PPP2R3A: variants seen among roughly 807,000 people sequenced by gnomAD.
PPP2R3A encodes the protein protein phosphatase 2 regulatory subunit B''alpha, also known as serine/threonine-protein phosphatase 2A regulatory subunit B'' subunit alpha.
In PPP2R3A, 80 loss-of-function variants were observed where a neutral mutation model predicts 106.9. That is an observed-to-expected ratio of 0.75 (90% CI 0.62 to 0.90). The LOEUF (loss-of-function observed/expected upper bound fraction) is 0.90, where lower values mean the gene tolerates loss of function less well. Among genes scored for constraint, PPP2R3A ranks in the 40% least tolerant of loss-of-function variants. The pLI, the probability that PPP2R3A is intolerant of heterozygous loss-of-function variation, is 0.00. For missense variants in PPP2R3A, 1,386 were observed against 1,350.4 expected, an observed-to-expected ratio of 1.03 and a Z score of -0.41; for synonymous variants, 483 against 468.3, an observed-to-expected ratio of 1.03 and a Z score of -0.41.
At chr3:136,072,882 A>G (rs1168503963) in intron 6 of PPP2R3A, among the ~76,000 whole-genome samples, 55 of 152,092 alleles carry the variant, frequency 3.6e-4, no homozygotes, top group Admixed American at 3.6e-3. Context: ...TAATGAACGC[A>G]TAGTTTGATA....
At chr3:136,087,776 G>A in intron 8 of PPP2R3A, 107 bp from the exon 9 acceptor site, 1 of 694,030 alleles carries the variant, frequency 1.4e-6, no homozygotes, top group Admixed American at 2.6e-5. Flanking sequence ...CATGGACGAT[G>A]GTTACGGTTT....
intron 3 of PPP2R3A, among the ~76,000 whole-genome samples, chr3:136,038,944 T>C (rs78232795): frequency 6.6e-6 from 1 of 152,216 alleles, no homozygotes; most frequent in African/African-American, 2.4e-5. Context: ...ACTTAAAAAA[T>C]CTTAAATTCT....
intron 2 of PPP2R3A, among the ~76,000 whole-genome samples, chr3:136,024,600 TAG>T (rs1285166757): frequency 3.3e-5 from 5 of 152,232 alleles, no homozygotes; most frequent in Middle Eastern, 3.4e-3. Context: ...AGCAAAAGCA[TAG>T]AGTTAACATT....
intron 5 of PPP2R3A, among the ~76,000 whole-genome samples, chr3:136,049,902 G>C (rs1935622132): frequency 6.6e-6 from 1 of 152,218 alleles, no homozygotes; most frequent in Non-Finnish European, 1.5e-5. Context: ...AATTAGAATA[G>C]GAGAAGGGAA....
chr3:136,055,549 C>G, intron 5 of PPP2R3A: 1 of 1,354,352 alleles, frequency 7.4e-7, no homozygotes, highest in Non-Finnish European at 1.1e-6. Flanking sequence ...ACTGACCATG[C>G]TGCTCAAATC....
At chr3:136,078,477 G>A in intron 7 of PPP2R3A, 24 bp downstream of exon 7, 1 of 1,375,044 alleles carries the variant, frequency 7.3e-7, no homozygotes, top group Admixed American at 1.8e-5. Context: ...TAGAATTCAT[G>A]TGTAATGAGC....
intron 5 of PPP2R3A, among the ~76,000 whole-genome samples, chr3:136,057,130 T>TCTCCA (rs1300705735): frequency 6.6e-6 from 1 of 152,018 alleles, no homozygotes; most frequent in Non-Finnish European, 1.5e-5. Flanking sequence ...GGAGAATAGC[T>TCTCCA]GGAGGCATCA....
intron 1 of PPP2R3A, among the ~76,000 whole-genome samples, chr3:135,985,737 A>G (rs1273791772): frequency 6.6e-6 from 1 of 152,224 alleles, no homozygotes; most frequent in African/African-American, 2.4e-5. Flanking sequence ...ACCATGGGAT[A>G]AAGTGACTGA....
rs1177777920 is a variant in PPP2R3A, at chr3:136,003,059, C to T, written c.1561C>T (p.Gln521Ter). Residue 521 changes from glutamine to a stop codon, truncating the protein, a stop_gained, in exon 2 of 14, where the codon CAG becomes TAG. Coordinates refer to ENST00000264977, the MANE Select transcript of PPP2R3A (RefSeq NM_002718.5). LOFTEE classifies it high-confidence loss of function. ...KLLMDLESFS[Q>*]KMETSLREPL... is the part of the protein sequence containing the mutation. ...GTTAATGGATTTGGAATCTTTTTCA[C>T]AGAAGATGGAGACCTCTCTAAGAGA... 1 of 1,611,896 alleles carries T rather than the reference C, an allele frequency of 6.2e-7. No individual in the cohort carries two copies. Among genetic ancestry groups the T allele is most frequent in the Non-Finnish European group, 8.5e-7 (1 of 1,179,454 alleles).
intron 8 of PPP2R3A, 172 bp from the exon 9 acceptor site, chr3:136,087,711 T>C (rs1275850594): frequency 4.0e-6 from 2 of 504,962 alleles, no homozygotes; most frequent in East Asian, 6.2e-5. Flanking sequence ...TTGCCTGTTA[T>C]TTTTTAAAAT....
At chr3:135,976,179 C>A (rs965687194) in intron 1 of PPP2R3A, among the ~76,000 whole-genome samples, 1 of 149,920 alleles carries the variant, frequency 6.7e-6, no homozygotes, top group African/African-American at 2.5e-5. Flanking sequence ...GAACACTTGA[C>A]CTCCTTGGAG....
intron 2 of PPP2R3A, among the ~76,000 whole-genome samples, chr3:136,021,592 AAG>A (rs1439868895): frequency 5.3e-5 from 8 of 152,148 alleles, no homozygotes; most frequent in Non-Finnish European, 1.2e-4. Context: ...GGTTCAGTAA[AAG>A]AGGGTTGTAA....
At chr3:135,991,201 C>T (rs928149133) in intron 1 of PPP2R3A, among the ~76,000 whole-genome samples, 2 of 152,228 alleles carry the variant, frequency 1.3e-5, no homozygotes, top group East Asian at 1.9e-4. Flanking sequence ...CCATAGAGTT[C>T]ATAGTTCTTT....
chr3:136,041,445 C>A (rs1935285643), intron 4 of PPP2R3A, among the ~76,000 whole-genome samples: 1 of 151,750 alleles, frequency 6.6e-6, no homozygotes. Context: ...GACTGGATCT[C>A]ACTCTGTTGC....
rs1364685682 is a variant in PPP2R3A, at chr3:136,145,933, TTGAA to T, written c.*771_*774del. 2.0e-5 allele frequency: 3 copies of T among 152,226 alleles called. No homozygotes were observed. The highest frequency in any genetic ancestry group is 7.2e-5 in the African/African-American group (3 of 41,456). 9.4% of individuals were successfully genotyped at this position (152,226 alleles called of 1,614,324 possible). On this transcript the variant is annotated 3_prime_UTR_variant, in exon 14 of 14. Transcript: ENST00000264977. ...CTTTTATCTTTTATTCATTGAACTA[TTGAA>T]TGATGTATTTAATATCCAAATTAGT...
intron 3 of PPP2R3A, among the ~76,000 whole-genome samples, chr3:136,032,132 T>G (rs987988926): frequency 6.6e-6 from 1 of 152,226 alleles, no homozygotes. Flanking sequence ...ACAATATTGA[T>G]TCTACCCATC....
At position 136,002,651 on chromosome 3, in the gene PPP2R3A, C is replaced by A. The variant is rs374344182; in HGVS notation, c.1153C>A (p.Pro385Thr). ...NSLYNLEVND[P>T]RTLKAVQVQS... The stretch of plus-strand genomic sequence containing the variant: ...CTTATATAACTTAGAGGTAAATGAT[C>A]CTAGAACTCTAAAAGCTGTCCAGGT... Residue 385 changes from proline (P) to threonine (T), a missense_variant, in exon 2 of 14, where the codon CCT (proline) becomes ACT (threonine). Transcript: ENST00000264977. 7.4e-6 allele frequency: 12 copies of A among 1,613,544 alleles called. No homozygotes were observed. Among genetic ancestry groups the A allele is most frequent in the East Asian group, 4.5e-5 (2 of 44,868 alleles).
intron 13 of PPP2R3A, among the ~76,000 whole-genome samples, chr3:136,133,560 C>T (rs1475932279): frequency 6.6e-6 from 1 of 152,124 alleles, no homozygotes; most frequent in East Asian, 1.9e-4. Context: ...AAAAGTTTGG[C>T]AGTTTCTTAA....
intron 4 of PPP2R3A, among the ~76,000 whole-genome samples, chr3:136,044,346 T>C (rs1935398192): frequency 1.3e-5 from 2 of 152,144 alleles, no homozygotes; most frequent in South Asian, 4.1e-4. Flanking sequence ...CCAGGTATTG[T>C]GTCTGGTCTT....
Sources: allele counts gnomAD v4.1 joint callset (sites outside exome capture counted in the v4.1 genomes callset), GRCh38; gene constraint gnomAD v4.1.1; transcripts MANE v1.5; gene names NCBI Gene and HGNC (gene_info 2026-07-23, HGNC 2026-07-21).